The following LRBA variants were observed in gnomAD, a reference collection of about 807,000 sequenced individuals.
The protein encoded by LRBA is lipopolysaccharide-responsive and beige-like anchor protein.
In LRBA, 176 loss-of-function variants were observed where a neutral mutation model predicts 330.0. That is an observed-to-expected ratio of 0.53 (90% CI 0.47 to 0.60). LRBA has a LOEUF of 0.60. Ranked by LOEUF, LRBA falls within the 20% of genes least tolerant of loss-of-function variation. The pLI is 0.00. For synonymous variants in LRBA, 1,230 were observed against 1,193.0 expected, an observed-to-expected ratio of 1.03 and a Z score of -0.64; for missense variants, 3,259 against 3,444.8, an observed-to-expected ratio of 0.95 and a Z score of 1.35.
intron 40 of LRBA, among the ~76,000 whole-genome samples, chr4:150,545,016 C>G (rs1342241092): frequency 1.3e-5 from 2 of 152,122 alleles, no homozygotes; most frequent in Non-Finnish European, 2.9e-5. Context: ...ATGTGAAGTG[C>G]TTAACATCAC....
chr4:150,376,468 T>A (rs1741343382), intron 47 of LRBA, among the ~76,000 whole-genome samples: 1 of 152,182 alleles, frequency 6.6e-6, no homozygotes, highest in Non-Finnish European at 1.5e-5. Flanking sequence ...AGAGTTCAAG[T>A]ATATACCCTT....
chr4:150,833,170 T>C (rs955295452), intron 28 of LRBA, among the ~76,000 whole-genome samples: 9 of 152,094 alleles, frequency 5.9e-5, no homozygotes, highest in African/African-American at 2.2e-4. Flanking sequence ...CAAACTAGAC[T>C]GACCTCTTGA....
chr4:150,841,015 TATG>T, intron 28 of LRBA: 1 of 1,258,740 alleles, frequency 7.9e-7, no homozygotes, highest in Non-Finnish European at 1.0e-6. Flanking sequence ...TGACAAAATC[TATG>T]ATATTTTGCA....
intron 46 of LRBA, among the ~76,000 whole-genome samples, chr4:150,420,480 A>G (rs62653448): frequency 0.14 from 2,083 of 15,352 alleles, 299 homozygotes; most frequent in Middle Eastern, 0.42. Context: ...ACACATTATA[A>G]TATATATAAA....
At chr4:151,012,954 G>GTATTTTTGTATTTTTT (rs1419003141) in intron 2 of LRBA, 1 of 151,922 alleles carries the variant, frequency 6.6e-6, no homozygotes, top group Non-Finnish European at 1.5e-5. Context: ...TAGTAGAGAT[G>GTATTTTTGTATTTTTT]GGGTTTCACC....
At position 150,302,773 on chromosome 4, in the gene LRBA, C is replaced by A; in HGVS notation, c.7869G>T (p.Val2623=). The change falls in exon 53 of 57, where the codon GTG becomes GTT. Residue 2623 remains valine, a synonymous_variant. Transcript: ENST00000651943. ...STDTGRLIQV[V]FGHWDVVTCL... is the part of the protein sequence containing the mutation. ...AAGTGACGACATCCCAATGGCCAAA[C>A]ACCACTTGGATCAATCTTCCTGTAA... 1 of 1,603,012 alleles carries A rather than the reference C, an allele frequency of 6.2e-7. No homozygotes were observed. Among genetic ancestry groups the A allele is most frequent in the South Asian group, 1.1e-5 (1 of 88,592 alleles).
intron 44 of LRBA, among the ~76,000 whole-genome samples, chr4:150,466,175 T>G (rs913562481): frequency 6.6e-6 from 1 of 152,098 alleles, no homozygotes; most frequent in African/African-American, 2.4e-5. Context: ...TTAACCTTCG[T>G]TTTGACATCC....
At chr4:150,758,935 G>A (rs1239692246) in intron 35 of LRBA, among the ~76,000 whole-genome samples, 1 of 151,346 alleles carries the variant, frequency 6.6e-6, no homozygotes, top group African/African-American at 2.4e-5. Flanking sequence ...TTTTCCCCAC[G>A]ACAGGGTCTT....
In LRBA at chr4:150,288,333, C is replaced by A. The variant is rs145162462; in HGVS notation, c.8018-2299G>T. On this transcript the variant is annotated intron_variant, in intron 53 of 56. Coordinates refer to ENST00000651943, the MANE Select transcript of LRBA (RefSeq NM_001364905.1). ...CTGTTTTAAAAAGTTATTGGCCGGG[C>A]GCAATGGCTCACGCCTGTAATCCCA... is the stretch of plus-strand genomic sequence containing the variant. Among the ~76,000 whole-genome samples, 44 of 151,684 alleles carry A rather than the reference C, an allele frequency of 2.9e-4. No individual in the cohort carries two copies. In the East Asian group the frequency reaches 8.3e-3, roughly 29 times the overall value.
intron 47 of LRBA, among the ~76,000 whole-genome samples, chr4:150,356,510 A>G (rs1375178685): frequency 6.6e-5 from 10 of 152,040 alleles, no homozygotes; most frequent in Non-Finnish European, 1.5e-4. Flanking sequence ...AAATAAATCT[A>G]AAGAAAATAA....
At chr4:150,594,594 T>A (rs1471284816) in intron 38 of LRBA, among the ~76,000 whole-genome samples, 1 of 152,084 alleles carries the variant, frequency 6.6e-6, no homozygotes, top group African/African-American at 2.4e-5. Context: ...ATTTTTCATA[T>A]CATTATTAAG....
intron 22 of LRBA, among the ~76,000 whole-genome samples, chr4:150,863,927 C>T (rs1298558936): frequency 6.6e-6 from 1 of 151,858 alleles, no homozygotes; most frequent in African/African-American, 2.4e-5. Flanking sequence ...TCTCATGACA[C>T]TTTATTTATT....
chr4:150,602,951 A>G (rs1001631419), intron 37 of LRBA, among the ~76,000 whole-genome samples: 11 of 152,316 alleles, frequency 7.2e-5, no homozygotes, highest in South Asian at 4.1e-4. Flanking sequence ...ACATATCTAG[A>G]TCACATTATA....
In LRBA at chr4:150,439,504, T is replaced by TA. The variant is rs137881403; in HGVS notation, c.6781-2641dup. Among the ~76,000 whole-genome samples, 51 of 147,826 alleles carry TA rather than the reference T, an allele frequency of 3.4e-4. 1 individual carries two copies. Among genetic ancestry groups the TA allele is most frequent in the Middle Eastern group, 6.8e-3 (2 of 292 alleles). Reference sequence around the variant, plus strand: ...AAGAAGTCCCCAAATAAAAGAAAGTTAAAAAAAAAAGACCAGTGGAGCTGT... The same window carrying TA: ...AAGAAGTCCCCAAATAAAAGAAAGTTAAAAAAAAAAAGACCAGTGGAGCTGT... On this transcript the variant is annotated intron_variant, in intron 44 of 56. Coordinates refer to ENST00000651943, the MANE Select transcript of LRBA (RefSeq NM_001364905.1).
At chr4:150,471,972 C>T (rs1057241317) in intron 42 of LRBA, among the ~76,000 whole-genome samples, 2 of 151,762 alleles carry the variant, frequency 1.3e-5, no homozygotes, top group Non-Finnish European at 2.9e-5. Context: ...CATTACAGTG[C>T]CATTATAATG....
intron 40 of LRBA, among the ~76,000 whole-genome samples, chr4:150,524,907 T>C (rs1236146361): frequency 2.0e-5 from 3 of 152,172 alleles, no homozygotes; most frequent in Non-Finnish European, 4.4e-5. Flanking sequence ...TCTTAGCTTC[T>C]TCCCATCTCA....
chr4:150,537,815 C>T (rs1231697664), intron 40 of LRBA, among the ~76,000 whole-genome samples: 1 of 151,926 alleles, frequency 6.6e-6, no homozygotes, highest in Non-Finnish European at 1.5e-5. Context: ...ATTAGCCAGG[C>T]ATGGTGGTGC....
chr4:150,456,934 C>T (rs1418714313), intron 44 of LRBA, among the ~76,000 whole-genome samples: 1 of 152,080 alleles, frequency 6.6e-6, no homozygotes, highest in Non-Finnish European at 1.5e-5. Context: ...ACTGTCTTCT[C>T]CCCAGTGTAC....
At chr4:150,425,554 A>G (rs2151972824) in intron 46 of LRBA, among the ~76,000 whole-genome samples, 1 of 152,318 alleles carries the variant, frequency 6.6e-6, no homozygotes, top group South Asian at 2.1e-4. Flanking sequence ...CATAATGACA[A>G]GGATTGGTTG....
Sources: gnomAD v4.1 joint callset for allele counts (sites outside exome capture counted in the v4.1 genomes callset) on GRCh38, gnomAD v4.1.1 for gene constraint, MANE v1.5 for transcripts, NCBI Gene and HGNC (gene_info 2026-07-23, HGNC 2026-07-21) for gene names.